The following TSHZ2 variants were observed in gnomAD, a reference collection of about 807,000 sequenced individuals.
TSHZ2 encodes the protein teashirt zinc finger homeobox 2, also known as teashirt homolog 2.
In TSHZ2, 21 loss-of-function variants were observed where a neutral mutation model predicts 74.4. The ratio of observed to expected loss-of-function variants is 0.28; its 90% CI spans 0.20 to 0.41. The LOEUF (loss-of-function observed/expected upper bound fraction) is 0.41, where lower values mean the gene tolerates loss of function less well. Among genes scored for constraint, TSHZ2 ranks in the 10% least tolerant of loss-of-function variants. TSHZ2 has a pLI of 1.00. For synonymous variants in TSHZ2, 540 were observed against 515.3 expected (o/e 1.05, Z -0.65); for missense variants, 1,244 against 1,293.5 (o/e 0.96, Z 0.59).
At chr20:53,169,870 C>T (rs1455255046) in intron 1 of TSHZ2, among the ~76,000 whole-genome samples, 1 of 151,980 alleles carries the variant, frequency 6.6e-6, no homozygotes, top group East Asian at 1.9e-4. Context: ...TATTTATACA[C>T]AGTTATGTAA....
chr20:53,294,396 C>T (rs1247160283), intron 2 of TSHZ2, among the ~76,000 whole-genome samples: 1 of 152,078 alleles, frequency 6.6e-6, no homozygotes, highest in Non-Finnish European at 1.5e-5. Context: ...AATACTTTCC[C>T]CACCTCTTGC....
At chr20:53,022,913 G>A (rs1983298700) in intron 1 of TSHZ2, among the ~76,000 whole-genome samples, 1 of 152,264 alleles carries the variant, frequency 6.6e-6, no homozygotes, top group African/African-American at 2.4e-5. Context: ...TAGGTCCAAT[G>A]GTTTTATTAC....
intron 2 of TSHZ2, among the ~76,000 whole-genome samples, chr20:53,290,642 G>C (rs1294408615): frequency 6.6e-6 from 1 of 152,152 alleles, no homozygotes; most frequent in Admixed American, 6.5e-5. Flanking sequence ...TTCTAGGTAA[G>C]AGGAAACACA....
At chr20:53,107,190 G>A (rs536109595) in intron 1 of TSHZ2, among the ~76,000 whole-genome samples, 1 of 152,282 alleles carries the variant, frequency 6.6e-6, no homozygotes, top group East Asian at 1.9e-4. Flanking sequence ...TCAAGCCATA[G>A]CCCAGTGGGT....
intron 1 of TSHZ2, among the ~76,000 whole-genome samples, chr20:53,182,146 T>A (rs1988487232): frequency 6.9e-6 from 1 of 145,704 alleles, no homozygotes; most frequent in African/African-American, 2.5e-5. Context: ...CTTCTCTCCC[T>A]CCCTCCCTCT....
chr20:53,459,534 A>G (rs372126560), intron 2 of TSHZ2, among the ~76,000 whole-genome samples: 1 of 144,310 alleles, frequency 6.9e-6, no homozygotes, highest in African/African-American at 2.6e-5. Flanking sequence ...GTGTCTTTTA[A>G]TTGGAGCATT....
At chr20:53,051,453 G>GCACACACA (rs1343176322) in intron 1 of TSHZ2, among the ~76,000 whole-genome samples, 1,584 of 102,986 alleles carry the variant, frequency 0.015, 17 homozygotes, top group South Asian at 0.021. Context: ...ACTCTGTGGC[G>GCACACACA]CACGCACACA....
chr20:53,297,652 A>G (rs2145474160), intron 2 of TSHZ2, among the ~76,000 whole-genome samples: 1 of 152,354 alleles, frequency 6.6e-6, no homozygotes, highest in African/African-American at 2.4e-5. Context: ...CTGCAGTCTC[A>G]CTAACTTGGT....
At chr20:53,101,288 G>A (rs1015023947) in intron 1 of TSHZ2, among the ~76,000 whole-genome samples, 8 of 152,074 alleles carry the variant, frequency 5.3e-5, no homozygotes, top group Admixed American at 1.3e-4. Context: ...TTAATAACCT[G>A]TTCAGATCGT....
In TSHZ2 at chr20:53,166,991, A is replaced by G. The variant is rs143137423; in HGVS notation, c.41-86508A>G. Among the ~76,000 whole-genome samples the G allele has an allele frequency of 3.3e-3, 509 of 152,334 alleles. 12 individuals carry two copies. The East Asian group carries it at 0.037, about 11-fold the overall frequency. ...GGGAACAACTATGGAGACAACGGTC[A>G]GAGGAAGGTGACATATAGGCTGTGA... On this transcript the variant is annotated intron_variant, in intron 1 of 2. Coordinates refer to ENST00000371497, the MANE Select transcript of TSHZ2 (RefSeq NM_173485.6).
intron 1 of TSHZ2, among the ~76,000 whole-genome samples, chr20:53,145,029 G>A (rs1987506334): frequency 1.3e-5 from 2 of 152,108 alleles, no homozygotes; most frequent in African/African-American, 4.8e-5. Flanking sequence ...AATGAAGCAG[G>A]GAGAAATGTA....
chr20:53,135,391 G>A (rs559101061), intron 1 of TSHZ2, among the ~76,000 whole-genome samples: 5 of 152,148 alleles, frequency 3.3e-5, no homozygotes, highest in East Asian at 1.9e-4. Flanking sequence ...ATAGAAGCCC[G>A]CAGTAATTAA....
At chr20:53,279,548 TTC>T (rs1342787160) in intron 2 of TSHZ2, among the ~76,000 whole-genome samples, 1 of 152,248 alleles carries the variant, frequency 6.6e-6, no homozygotes, top group Admixed American at 6.5e-5. Flanking sequence ...TCTCTCACTT[TTC>T]TCTTTCTCGT....
intron 2 of TSHZ2, among the ~76,000 whole-genome samples, chr20:53,401,930 C>G (rs1982679879): frequency 6.6e-6 from 1 of 151,788 alleles, no homozygotes; most frequent in South Asian, 2.1e-4. Flanking sequence ...CTACAGGCAC[C>G]CGCCACCATG....
intron 2 of TSHZ2, among the ~76,000 whole-genome samples, chr20:53,355,153 T>A (rs1284929611): frequency 6.6e-6 from 1 of 152,156 alleles, no homozygotes; most frequent in Non-Finnish European, 1.5e-5. Context: ...TAAATTGTAA[T>A]TAGAAAGAAT....
At chr20:53,020,284 A>C (rs1983195635) in intron 1 of TSHZ2, among the ~76,000 whole-genome samples, 2 of 151,964 alleles carry the variant, frequency 1.3e-5, no homozygotes, top group Non-Finnish European at 2.9e-5. Context: ...GGTCCATTTT[A>C]ATTTTTTATT....
chr20:53,339,255 T>C (rs1026243478), intron 2 of TSHZ2, among the ~76,000 whole-genome samples: 5 of 152,208 alleles, frequency 3.3e-5, no homozygotes, highest in Non-Finnish European at 7.3e-5. Flanking sequence ...TTCCAAGAGA[T>C]ACAGCTAATA....
intron 2 of TSHZ2, among the ~76,000 whole-genome samples, chr20:53,479,843 C>T (rs1251274161): frequency 6.6e-6 from 1 of 152,146 alleles, no homozygotes; most frequent in Non-Finnish European, 1.5e-5. Flanking sequence ...TGAATATCTA[C>T]AATGCATAGA....
chr20:52,986,681 A>ATC (rs1350615453), intron 1 of TSHZ2, among the ~76,000 whole-genome samples: 1 of 152,070 alleles, frequency 6.6e-6, no homozygotes, highest in African/African-American at 2.4e-5. Flanking sequence ...GTGAGCCGAG[A>ATC]TCTCGCCACT....
Sources: gnomAD v4.1 joint callset for allele counts (sites outside exome capture counted in the v4.1 genomes callset) on GRCh38, gnomAD v4.1.1 for gene constraint, MANE v1.5 for transcripts, NCBI Gene and HGNC (gene_info 2026-07-23, HGNC 2026-07-21) for gene names.